The following AUTS2 variants were observed in gnomAD, a reference collection of about 807,000 sequenced individuals.
AUTS2 encodes autism susceptibility gene 2 protein.
AUTS2 carries 17 observed loss-of-function variants against 112.4 expected under a neutral mutation model. The observed-to-expected ratio is 0.15, with a 90% CI of 0.10 to 0.23. The LOEUF is 0.23. Among genes scored for constraint, AUTS2 ranks in the 10% least tolerant of loss-of-function variants. The pLI is 1.00. For synonymous variants in AUTS2, 751 were observed against 702.7 expected, an observed-to-expected ratio of 1.07 and a Z score of -1.09; for missense variants, 1,510 against 1,701.6, an observed-to-expected ratio of 0.89 and a Z score of 1.98.
In AUTS2 at chr7:70,787,358, T is replaced by C; in HGVS notation, c.2458T>C (p.Ser820Pro). Residue 820 changes from serine to proline, a missense_variant, in exon 18 of 19, where the codon TCC becomes CCC. Around this residue, in one of 3 missense-constraint regions of AUTS2, gnomAD observed 788 missense variants for 797.6 expected, o/e 0.99. Transcript: ENST00000342771. ...GCCAGGGGAGCTGGAGCGCAGCGCG[T>C]CCGCTGCAGCTCATGACAGAGATAG... The part of the protein sequence containing the change: ...LKPGELERSA[S>P]AAAHDRDRDV... 1 of 1,613,618 alleles carries C rather than the reference T, an allele frequency of 6.2e-7. No individual in the cohort carries two copies. Among genetic ancestry groups the C allele is most frequent in the Non-Finnish European group, 8.5e-7 (1 of 1,179,584 alleles).
intron 1 of AUTS2, among the ~76,000 whole-genome samples, chr7:69,876,374 A>ATATATG (rs1554396533): frequency 8.6e-6 from 1 of 115,852 alleles, no homozygotes; most frequent in African/African-American, 3.3e-5. Context: ...ATATATATAT[A>ATATATG]TATATATATG....
Position 69,726,726 on chromosome 7 carries a change from T to G in AUTS2, c.309+126764T>G, listed in dbSNP as rs117598213. Among the ~76,000 whole-genome samples the G allele has an allele frequency of 5.3e-3, 801 of 152,352 alleles. 7 individuals are homozygous for G. Among genetic ancestry groups the G allele is most frequent in the Non-Finnish European group, 8.8e-3 (600 of 68,028 alleles). ...AAACATTTGGTATGATAAGTCTTTT[T>G]AATTCTAGCCATTCTAATGGGCATA... is the stretch of plus-strand genomic sequence containing the variant. On this transcript the variant is annotated intron_variant, in intron 1 of 18. Coordinates refer to ENST00000342771, the MANE Select transcript of AUTS2 (RefSeq NM_015570.4).
At chr7:70,610,848 G>A (rs901529651) in intron 5 of AUTS2, among the ~76,000 whole-genome samples, 3 of 152,122 alleles carry the variant, frequency 2.0e-5, no homozygotes, top group Non-Finnish European at 4.4e-5. Flanking sequence ...TTTTCTTGCT[G>A]TAGAGTTGTT....
chr7:69,895,548 C>G (rs549385043), intron 1 of AUTS2, among the ~76,000 whole-genome samples: 17 of 146,120 alleles, frequency 1.2e-4, no homozygotes, highest in Non-Finnish European at 1.7e-4. Context: ...CTTCTTCCCC[C>G]CCCCCGAGTG....
At chr7:69,654,803 T>G (rs1336550895) in intron 1 of AUTS2, among the ~76,000 whole-genome samples, 2 of 152,172 alleles carry the variant, frequency 1.3e-5, no homozygotes, top group African/African-American at 4.8e-5. Flanking sequence ...GGGTGGTCTT[T>G]GATGATGGCA....
intron 1 of AUTS2, among the ~76,000 whole-genome samples, chr7:69,624,903 C>T (rs1376876618): frequency 1.3e-5 from 2 of 152,174 alleles, no homozygotes; most frequent in Non-Finnish European, 2.9e-5. Context: ...AGTGGAGAAA[C>T]TACTGCCAGT....
At chr7:70,386,984 G>T (rs1349472333) in intron 4 of AUTS2, among the ~76,000 whole-genome samples, 1 of 152,114 alleles carries the variant, frequency 6.6e-6, no homozygotes, top group East Asian at 1.9e-4. Flanking sequence ...GCCTTCATTT[G>T]TGCCCTCTTT....
intron 5 of AUTS2, among the ~76,000 whole-genome samples, chr7:70,593,215 A>G (rs1417981579): frequency 2.0e-5 from 3 of 152,212 alleles, no homozygotes; most frequent in Non-Finnish European, 4.4e-5. Context: ...TAGAGACAAT[A>G]ATAGTACCTA....
intron 6 of AUTS2, among the ~76,000 whole-genome samples, chr7:70,739,972 C>T (rs542747543): frequency 2.6e-5 from 4 of 152,174 alleles, no homozygotes; most frequent in African/African-American, 4.8e-5. Context: ...CTCCCCTCCC[C>T]TCATCCACTA....
chr7:70,489,022 T>C (rs1342622498), intron 5 of AUTS2, among the ~76,000 whole-genome samples: 1 of 152,194 alleles, frequency 6.6e-6, no homozygotes, highest in African/African-American at 2.4e-5. Context: ...TCAGCAAAAT[T>C]TTATTGTCAG....
intron 4 of AUTS2, among the ~76,000 whole-genome samples, chr7:70,149,380 A>C (rs1426244397): frequency 6.6e-6 from 1 of 152,082 alleles, no homozygotes; most frequent in Non-Finnish European, 1.5e-5. Flanking sequence ...GGCAGCATAC[A>C]CATAATTATA....
intron 4 of AUTS2, among the ~76,000 whole-genome samples, chr7:70,372,691 A>T: frequency 6.6e-6 from 1 of 150,732 alleles, no homozygotes. Context: ...AGTATTTTAA[A>T]CTGCAACCTG....
chr7:70,182,015 G>T (rs1287649511), intron 4 of AUTS2, among the ~76,000 whole-genome samples: 1 of 147,828 alleles, frequency 6.8e-6, no homozygotes, highest in Non-Finnish European at 1.5e-5. Context: ...AGCCAGGATG[G>T]TCTCGATCGA....
intron 5 of AUTS2, among the ~76,000 whole-genome samples, chr7:70,674,474 TA>T (rs900168188): frequency 6.6e-6 from 1 of 152,102 alleles, no homozygotes; most frequent in Non-Finnish European, 1.5e-5. Flanking sequence ...AGCCTCCTTT[TA>T]AAAAAAGAAG....
At chr7:70,663,055 C>T (rs1807151076) in intron 5 of AUTS2, among the ~76,000 whole-genome samples, 1 of 152,172 alleles carries the variant, frequency 6.6e-6, no homozygotes, top group South Asian at 2.1e-4. Flanking sequence ...GAATGAAAGG[C>T]CTTTTTACAG....
intron 2 of AUTS2, among the ~76,000 whole-genome samples, chr7:70,043,552 CCTTCCTTCCTTCCTTCCTT>C (rs1801342715): frequency 5.3e-4 from 2 of 3,780 alleles, no homozygotes; most frequent in Non-Finnish European, 7.5e-4. Context: ...TCCCTCCCTT[CCTTCCTTCCTTCCTTCCTT>C]CCTTCCTTCC....
chr7:69,748,648 C>T (rs1485309736), intron 1 of AUTS2, among the ~76,000 whole-genome samples: 1 of 152,070 alleles, frequency 6.6e-6, no homozygotes, highest in Non-Finnish European at 1.5e-5. Context: ...GGGGAAGAGA[C>T]ACAATAGCTA....
At chr7:69,912,285 T>G (rs1329921044) in intron 2 of AUTS2, among the ~76,000 whole-genome samples, 1 of 152,110 alleles carries the variant, frequency 6.6e-6, no homozygotes, top group African/African-American at 2.4e-5. Flanking sequence ...CAGGGGCACT[T>G]CCCCAGGCGC....
chr7:70,663,831 C>T (rs1359132913), intron 5 of AUTS2, among the ~76,000 whole-genome samples: 1 of 152,166 alleles, frequency 6.6e-6, no homozygotes, highest in Non-Finnish European at 1.5e-5. Flanking sequence ...ATAATAATCA[C>T]TACCACGTCT....
Sources: allele counts gnomAD v4.1 joint callset (sites outside exome capture counted in the v4.1 genomes callset), GRCh38; gene constraint gnomAD v4.1.1; regional missense constraint gnomAD v4.1.1; transcripts MANE v1.5; gene names NCBI Gene and HGNC (gene_info 2026-07-23, HGNC 2026-07-21).